Variants in CACNA1F observed in about 807,000 individuals in gnomAD.
The protein encoded by CACNA1F is calcium voltage-gated channel subunit alpha1 F, also known as voltage-dependent L-type calcium channel subunit alpha-1F.
CACNA1F carries 59 observed loss-of-function variants against 143.8 expected under a neutral mutation model. That is an observed-to-expected ratio of 0.41 (90% confidence interval 0.33 to 0.51). The LOEUF is 0.51. Ranked by LOEUF, CACNA1F falls within the 20% of genes least tolerant of loss-of-function variation. CACNA1F has a pLI of 0.22. For synonymous variants in CACNA1F, 643 were observed against 649.1 expected, an observed-to-expected ratio of 0.99 and a Z score of 0.14; for missense variants, 1,411 against 1,647.5, an observed-to-expected ratio of 0.86 and a Z score of 2.48.
intron 14 of CACNA1F, among the ~76,000 whole-genome samples, chrX:49,223,595 CAAA>C (rs58022930): frequency 2.3e-3 from 54 of 23,665 alleles, no homozygotes; most frequent in African/African-American, 0.012. Flanking sequence ...GACTCTGTCT[CAAA>C]AAAAAAAAAA....
intron 46 of CACNA1F, 120 bp from the exon 47 acceptor site, chrX:49,205,933 T>A (rs1557104779): frequency 3.3e-6 from 2 of 613,385 alleles, no homozygotes; most frequent in African/African-American, 4.5e-5. Flanking sequence ...TGAATGGGTA[T>A]AAGTCAGGCT....
At chrX:49,206,918 G>T (rs1318328168) in intron 44 of CACNA1F, 63 bp from the exon 45 acceptor site, 5 of 1,157,537 alleles carry the variant, frequency 4.3e-6, no homozygotes, top group Non-Finnish European at 5.9e-6. Context: ...CCTGGGAGAT[G>T]GGGCACAAAC....
rs1557105668 is a variant in CACNA1F at position 49,209,361 on chromosome X, A to G, written c.4854T>C (p.Pro1618=). 6 of 1,210,031 alleles carry G rather than the reference A, an allele frequency of 5.0e-6. No individual in the cohort carries two copies. Among genetic ancestry groups the G allele is most frequent in the Non-Finnish European group, 6.7e-6 (6 of 894,403 alleles). The part of the protein sequence containing the change: ...AGLRSLQDLG[P]EMRQALTCDT... ...CACAGGTGAGGGCCTGCCGCATCTC[A>G]GGACCCAAGTCCTGCAGGCTCCGCA... The change falls in exon 42 of 48, where the codon CCT becomes CCC. Residue 1618 remains proline, a synonymous_variant. Coordinates refer to ENST00000323022, the MANE Select transcript of CACNA1F (RefSeq NM_001256789.3).
intron 32 of CACNA1F, 47 bp downstream of exon 32, chrX:49,212,927 G>A (rs1557106615): frequency 8.4e-7 from 1 of 1,189,479 alleles, no homozygotes; most frequent in South Asian, 1.8e-5. Context: ...AGGGACAGAG[G>A]GACATGGGAA....
In CACNA1F at chrX:49,217,962, T is replaced by C. The variant is rs781805504; in HGVS notation, c.2972A>G (p.Asn991Ser). 1 of 1,210,892 alleles carries C rather than the reference T, an allele frequency of 8.3e-7. No individual in the cohort carries two copies. Among genetic ancestry groups the C allele is most frequent in the Non-Finnish European group, 1.1e-6 (1 of 894,989 alleles). ...CAGAAGTGTGGTGACAATCATGATGTTTCCGATGGTCCGGATGGCCACAAA... is the reference window on the plus strand; with the variant it reads ...CAGAAGTGTGGTGACAATCATGATGCTTCCGATGGTCCGGATGGCCACAAA... ...CVFVAIRTIG[N>S]IMIVTTLLQF... The change falls in exon 25 of 48, where the codon AAC becomes AGC. Residue 991 changes from asparagine to serine, a missense_variant. Coordinates refer to ENST00000323022, the MANE Select transcript of CACNA1F (RefSeq NM_001256789.3).
intron 14 of CACNA1F, 98 bp downstream of exon 14, chrX:49,224,663 C>T: frequency 1.7e-6 from 1 of 588,799 alleles, no homozygotes; most frequent in Non-Finnish European, 2.9e-6. Flanking sequence ...GATGTCTGCT[C>T]AATGAATGGT....
In CACNA1F at chrX:49,205,096, AG is replaced by A; in HGVS notation, c.*40del. On this transcript the variant is annotated 3_prime_UTR_variant, in exon 48 of 48. Coordinates refer to ENST00000323022, the MANE Select transcript of CACNA1F (RefSeq NM_001256789.3). ...ATGCCTGCCTCCTGCTGGGGAGGGG[AG>A]GGCAGGAGGTTTATTGAGCAGTTGG... 1 of 973,508 alleles carries A rather than the reference AG, an allele frequency of 1.0e-6. No homozygotes were observed. Among genetic ancestry groups the A allele is most frequent in the Non-Finnish European group, 1.5e-6 (1 of 683,219 alleles). 80.2% of individuals were successfully genotyped at this position (973,508 alleles called of 1,213,427 possible).
chrX:49,224,278 A>G (rs1456331794), intron 14 of CACNA1F, among the ~76,000 whole-genome samples: 3 of 110,083 alleles, frequency 2.7e-5, no homozygotes, highest in African/African-American at 1.0e-4. Flanking sequence ...TTGGGGATTG[A>G]GGATGGTATT....
At chrX:49,231,545 G>GC in intron 2 of CACNA1F, 133 bp downstream of exon 2, 3 of 873,313 alleles carry the variant, frequency 3.4e-6, no homozygotes, top group Non-Finnish European at 3.3e-6. Context: ...TTCTGAACCT[G>GC]CCCCCCAACC....
Position 49,217,051 on chromosome X carries a change from C to T in CACNA1F, c.3090-523G>A, listed in dbSNP as rs140491766. ...TTGGCTCACTGCAACCTCCGCCTCC[C>T]GGGTTCAAGCGATTCTCCCTCCTCA... On this transcript the variant is annotated intron_variant, in intron 26 of 47. Transcript: ENST00000323022. 3.2e-3 allele frequency among the ~76,000 whole-genome samples: 358 copies of T among 111,319 alleles called. 1 individual carries two copies. Among genetic ancestry groups the T allele is most frequent in the Non-Finnish European group, 4.4e-3 (235 of 52,988 alleles).
rs782452103 is a variant in CACNA1F at position 49,211,015 on chromosome X, A to G, written c.4338T>C (p.His1446=). Reference sequence around the variant, plus strand: ...AGATCCTCTTGAATTCATCAAGGTGATGGGGGCCCAGGATGGACCAATCTC... The same window carrying G: ...AGATCCTCTTGAATTCATCAAGGTGGTGGGGGCCCAGGATGGACCAATCTC... ...LTRDWSILGP[H]HLDEFKRIWS... Residue 1446 remains histidine (H), a synonymous_variant, in exon 37 of 48, where the codon CAT becomes CAC. Coordinates refer to ENST00000323022, the MANE Select transcript of CACNA1F (RefSeq NM_001256789.3). 8.3e-7 allele frequency: 1 copy of G among 1,207,751 alleles called. No individual in the cohort carries two copies. Among genetic ancestry groups the G allele is most frequent in the East Asian group, 3.0e-5 (1 of 33,813 alleles).
intron 6 of CACNA1F, among the ~76,000 whole-genome samples, chrX:49,229,882 C>T (rs1184058384): frequency 2.9e-5 from 3 of 103,385 alleles, no homozygotes; most frequent in Non-Finnish European, 6.0e-5. Flanking sequence ...GATCTCCTGA[C>T]CTCGTGATCC....
At chrX:49,216,692 CCT>C (rs1327914072) in intron 26 of CACNA1F, among the ~76,000 whole-genome samples, 164 bp from the exon 27 acceptor site, 9 of 111,441 alleles carry the variant, frequency 8.1e-5, no homozygotes, top group African/African-American at 2.9e-4. Flanking sequence ...GCGCATTTAC[CCT>C]TTCTGTGCTT....
chrX:49,205,517 G>T, intron 47 of CACNA1F, 99 bp downstream of exon 47: 1 of 916,139 alleles, frequency 1.1e-6, no homozygotes, highest in Non-Finnish European at 1.6e-6. Flanking sequence ...ATATCTACAT[G>T]CACAACACAG....
At chrX:49,222,902 A>AC in intron 15 of CACNA1F, 27 bp downstream of exon 15, 10 of 818,456 alleles carry the variant, frequency 1.2e-5, no homozygotes, top group Non-Finnish European at 1.7e-5. Flanking sequence ...TCCCCGACCC[A>AC]CCCATCCCAT....
At position 49,226,963 on chromosome X, in the gene CACNA1F, A is replaced by G. The variant is rs1557110164; in HGVS notation, c.1276+7T>C. 2 of 1,212,199 alleles carry G rather than the reference A, an allele frequency of 1.6e-6. No individual in the cohort carries two copies. Reference sequence around the variant, plus strand: ...ATGGCCCGCCCGGCCCTCTTCAGCCATAGAACCAAGGTTGTCATCGGCGGA... The same window carrying G: ...ATGGCCCGCCCGGCCCTCTTCAGCCGTAGAACCAAGGTTGTCATCGGCGGA... On this transcript the variant is annotated splice_region_variant and intron_variant, in intron 9 of 47. Transcript: ENST00000323022.
intron 26 of CACNA1F, among the ~76,000 whole-genome samples, chrX:49,217,540 T>C (rs1023246589): frequency 3.2e-4 from 35 of 109,499 alleles, no homozygotes; most frequent in Non-Finnish European, 6.5e-4. Flanking sequence ...TGATTGCTAA[T>C]GGGTCTGGAG....
intron 22 of CACNA1F, 31 bp from the exon 23 acceptor site, chrX:49,218,766 C>A: frequency 1.8e-6 from 1 of 566,327 alleles, no homozygotes; most frequent in Non-Finnish European, 2.6e-6. Context: ...TAGACTCAGA[C>A]CTGGGGATGG....
intron 13 of CACNA1F, 111 bp downstream of exon 13, chrX:49,225,798 G>A (rs1023080611): frequency 7.7e-5 from 42 of 546,701 alleles, no homozygotes; most frequent in Non-Finnish European, 1.2e-4. Context: ...ATTTGGGTAG[G>A]GGGGAAGGCA....
Sources: gnomAD v4.1 joint callset for allele counts (sites outside exome capture counted in the v4.1 genomes callset) on GRCh38, gnomAD v4.1.1 for gene constraint, MANE v1.5 for transcripts, NCBI Gene and HGNC (gene_info 2026-07-23, HGNC 2026-07-21) for gene names.